Variants in CDH23 observed in about 807,000 individuals in gnomAD.
CDH23 encodes the protein cadherin related 23.
In CDH23, 189 loss-of-function variants were observed where a neutral mutation model predicts 317.1. The ratio of observed to expected loss-of-function variants is 0.60; its 90% CI spans 0.53 to 0.67. CDH23 has a LOEUF of 0.67. Ranked by LOEUF, CDH23 falls within the 30% of genes least tolerant of loss-of-function variation. The pLI, the probability that CDH23 is intolerant of heterozygous loss-of-function variation, is 0.00. For synonymous variants in CDH23, 1,839 were observed against 1,876.8 expected (o/e 0.98, Z 0.52); for missense variants, 4,401 against 4,592.4 (o/e 0.96, Z 1.20).
In CDH23 at chr10:71,707,176, G is replaced by A. The variant is rs762262082; in HGVS notation, c.3106+127G>A. The stretch of plus-strand genomic sequence containing the variant: ...AAAGAGGTCAGGGCTCTACTGTTGG[G>A]CTTTAGCCTCTGGTGGTGCCTCCCG... On this transcript the variant is annotated intron_variant, in intron 26 of 69. Transcript: ENST00000224721. 4 of 1,531,532 alleles carry A rather than the reference G, an allele frequency of 2.6e-6. No homozygotes were observed. In the African/African-American group the frequency reaches 5.5e-5, roughly 21 times the overall value. 94.9% of individuals were successfully genotyped at this position (1,531,532 alleles called of 1,614,324 possible).
intron 3 of CDH23, among the ~76,000 whole-genome samples, chr10:71,473,762 G>T (rs1449005164): frequency 1.3e-5 from 2 of 152,204 alleles, no homozygotes; most frequent in East Asian, 3.8e-4. Flanking sequence ...TAGACGTGGG[G>T]CCAGGCCCTT....
chr10:71,792,550 C>T lies in CDH23; in HGVS notation c.6254-632C>T, dbSNP rs540015453. 1.9e-3 allele frequency among the ~76,000 whole-genome samples: 285 copies of T among 151,774 alleles called. 1 individual carries two copies. The highest frequency in any genetic ancestry group is 6.4e-3 in the African/African-American group (266 of 41,386). Reference sequence around the variant, plus strand: ...AAAAGTATATTTGTCTTGGTCCAGGCGAGGTGGCTCACGCCTGTAATCCCA... The same window carrying T: ...AAAAGTATATTTGTCTTGGTCCAGGTGAGGTGGCTCACGCCTGTAATCCCA... On this transcript the variant is annotated intron_variant, in intron 47 of 69. Coordinates refer to ENST00000224721, the MANE Select transcript of CDH23 (RefSeq NM_022124.6).
chr10:71,646,179 C>G (rs909841173), intron 13 of CDH23, among the ~76,000 whole-genome samples, 199 bp downstream of exon 13: 2 of 151,856 alleles, frequency 1.3e-5, no homozygotes, highest in South Asian at 2.1e-4. Flanking sequence ...AAGGATATGT[C>G]CAGTAATTGA....
intron 3 of CDH23, among the ~76,000 whole-genome samples, chr10:71,463,533 T>A (rs1851108980): frequency 6.6e-6 from 1 of 152,126 alleles, no homozygotes; most frequent in Non-Finnish European, 1.5e-5. Flanking sequence ...CCTCTCTGGG[T>A]CCCCACAGCG....
chr10:71,581,733 C>T (rs912093084), intron 9 of CDH23, among the ~76,000 whole-genome samples: 14 of 152,346 alleles, frequency 9.2e-5, no homozygotes, highest in African/African-American at 3.4e-4. Flanking sequence ...CCTGCCCTGC[C>T]ACCCACAAGT....
Position 71,793,604 on chromosome 10 carries a change from A to C in CDH23, c.6676A>C (p.Asn2226His). The change falls in exon 48 of 70, where the codon AAC becomes CAC. Residue 2226 changes from asparagine to histidine, a missense_variant. This residue lies in a region of CDH23 where 3,068 missense variants were observed against 3,203.3 expected (regional missense o/e 0.96). Transcript: ENST00000224721. ...AKDDTDRLVP[N>H]QEDAFAVNIN... ...GGACGACACTGATCGCCTGGTGCCCAACCAGGAGGACGCCTTTGCTGTGAA... is the reference window on the plus strand; with the variant it reads ...GGACGACACTGATCGCCTGGTGCCCCACCAGGAGGACGCCTTTGCTGTGAA... 1 of 1,605,740 alleles carries C rather than the reference A, an allele frequency of 6.2e-7. No homozygotes were observed. The highest frequency in any genetic ancestry group is 1.1e-5 in the South Asian group (1 of 90,460).
intron 8 of CDH23, among the ~76,000 whole-genome samples, chr10:71,571,265 A>G (rs933868545): frequency 4.6e-5 from 7 of 152,040 alleles, no homozygotes; most frequent in African/African-American, 1.2e-4. Context: ...GCTCCACAGA[A>G]CATCAGTGTG....
chr10:71,705,608 G>A (rs775068008), intron 25 of CDH23, among the ~76,000 whole-genome samples: 5 of 152,174 alleles, frequency 3.3e-5, no homozygotes, highest in Admixed American at 6.5e-5. Flanking sequence ...GAGCAGCTGG[G>A]ACTCCCAGAC....
At position 71,789,020 on chromosome 10, in the gene CDH23, G is replaced by A. The variant is rs758329598; in HGVS notation, c.5901G>A (p.Glu1967=). The A allele has an allele frequency of 6.3e-7, 1 of 1,587,826 alleles. No individual in the cohort carries two copies. Among genetic ancestry groups the A allele is most frequent in the East Asian group, 2.2e-5 (1 of 44,774 alleles). Residue 1967 remains glutamate, a synonymous_variant, in exon 45 of 70, where the codon GAG becomes GAA. Transcript: ENST00000224721. The part of the protein sequence containing the change: ...PLFTKSTYQA[E]VMENSPAGTP... ...TCACTAAAAGCACCTACCAGGCAGAGGTGATGGAAAACTCTCCCGCTGGTA... is the reference window on the plus strand; with the variant it reads ...TCACTAAAAGCACCTACCAGGCAGAAGTGATGGAAAACTCTCCCGCTGGTA...
intron 18 of CDH23, 48 bp from the exon 19 acceptor site, chr10:71,687,599 C>T (rs1203464191): frequency 2.5e-6 from 4 of 1,574,618 alleles, no homozygotes; most frequent in Non-Finnish European, 3.5e-6. Flanking sequence ...TCTGGCCAGC[C>T]CACCTGCCTC....
At chr10:71,720,065 G>A (rs1307171817) in intron 28 of CDH23, among the ~76,000 whole-genome samples, 1 of 152,218 alleles carries the variant, frequency 6.6e-6, no homozygotes, top group Non-Finnish European at 1.5e-5. Flanking sequence ...AAGTTTGAAT[G>A]GTATGGTCGG....
intron 11 of CDH23, among the ~76,000 whole-genome samples, chr10:71,630,659 T>A (rs993314520): frequency 3.3e-5 from 5 of 152,238 alleles, no homozygotes; most frequent in African/African-American, 1.2e-4. Flanking sequence ...TTTGACATGC[T>A]TGTTAGACAC....
intron 3 of CDH23, among the ~76,000 whole-genome samples, chr10:71,471,857 A>G (rs1231378016): frequency 6.6e-6 from 1 of 152,008 alleles, no homozygotes; most frequent in Non-Finnish European, 1.5e-5. Context: ...CTCTGTACTC[A>G]TGGCCTGTAA....
intron 38 of CDH23, chr10:71,760,749 G>A (rs760385528): frequency 9.5e-5 from 85 of 893,886 alleles, no homozygotes; most frequent in Non-Finnish European, 1.3e-4. Flanking sequence ...AAAAGGAGGA[G>A]GACCGGGGGG....
chr10:71,616,617 T>TAG (rs1311386583), intron 10 of CDH23, among the ~76,000 whole-genome samples: 1 of 152,230 alleles, frequency 6.6e-6, no homozygotes, highest in Non-Finnish European at 1.5e-5. Context: ...TTGAAAGGTA[T>TAG]CTGTTCCTGT....
intron 9 of CDH23, among the ~76,000 whole-genome samples, chr10:71,583,255 CG>C (rs1858771830): frequency 2.3e-5 from 1 of 43,530 alleles, no homozygotes; most frequent in African/African-American, 8.8e-5. Context: ...GGGGTGGGGG[CG>C]GGGGTCCGGT....
rs57038733 is a variant in CDH23 at position 71,624,734 on chromosome 10, C to CTATTATTATTAT, written c.1134+7366_1134+7377dup. Among the ~76,000 whole-genome samples the CTATTATTATTAT allele has an allele frequency of 5.3e-3, 778 of 146,206 alleles. 5 individuals are homozygous for CTATTATTATTAT. Among genetic ancestry groups the CTATTATTATTAT allele is most frequent in the South Asian group, 0.015 (68 of 4,532 alleles). On this transcript the variant is annotated intron_variant, in intron 11 of 69. Coordinates refer to ENST00000224721, the MANE Select transcript of CDH23 (RefSeq NM_022124.6). ...AGAAAAAGCATACTTTAGACATTAGCTATTATTATTATTATTATTATTATT... is the reference window on the plus strand; with the variant it reads ...AGAAAAAGCATACTTTAGACATTAGCTATTATTATTATTATTATTATTATTATTATTATTATT...
At chr10:71,676,798 C>T (rs546441487) in intron 15 of CDH23, among the ~76,000 whole-genome samples, 5 of 152,192 alleles carry the variant, frequency 3.3e-5, no homozygotes, top group Non-Finnish European at 5.9e-5. Context: ...ATGGTCTCAC[C>T]TCTTCCCATC....
At chr10:71,558,554 T>C (rs980660555) in intron 6 of CDH23, among the ~76,000 whole-genome samples, 5 of 152,250 alleles carry the variant, frequency 3.3e-5, no homozygotes, top group African/African-American at 9.6e-5. Context: ...ATTGTTGTTA[T>C]TCCTTTTTAC....
Sources: allele counts gnomAD v4.1 joint callset (sites outside exome capture counted in the v4.1 genomes callset), GRCh38; gene constraint gnomAD v4.1.1; regional missense constraint gnomAD v4.1.1; transcripts MANE v1.5; gene names NCBI Gene and HGNC (gene_info 2026-07-23, HGNC 2026-07-21).